Variants in GOLGB1 observed in about 807,000 individuals in gnomAD.
GOLGB1 encodes the protein golgin B1.
Under a neutral mutation model 336.9 loss-of-function variants are expected in GOLGB1, and 174 were observed. The observed-to-expected ratio is 0.52, with a 90% CI of 0.46 to 0.59. The LOEUF (loss-of-function observed/expected upper bound fraction) is 0.59, where lower values mean the gene tolerates loss of function less well. GOLGB1 is among the 20% of genes least tolerant of loss of function. The pLI, the probability that GOLGB1 is intolerant of heterozygous loss-of-function variation, is 0.00. For missense variants in GOLGB1, 3,331 were observed against 3,645.3 expected, an observed-to-expected ratio of 0.91 and a Z score of 2.22; for synonymous variants, 1,208 against 1,289.2, an observed-to-expected ratio of 0.94 and a Z score of 1.35.
chr3:121,674,045 C>T (rs895159506), intron 17 of GOLGB1, among the ~76,000 whole-genome samples: 2 of 152,152 alleles, frequency 1.3e-5, no homozygotes, highest in African/African-American at 4.8e-5. Flanking sequence ...GATTTCTTTT[C>T]CAGATTGTTT....
At chr3:121,727,310 ATATATATATATTTTT>A (rs1945719523) in intron 4 of GOLGB1, among the ~76,000 whole-genome samples, 1 of 32,688 alleles carries the variant, frequency 3.1e-5, no homozygotes, top group Non-Finnish European at 8.0e-5. Context: ...ATATATATAT[ATATATATATATTTTT>A]TTTTTTTTTT....
intron 10 of GOLGB1, among the ~76,000 whole-genome samples, chr3:121,705,995 C>T (rs147570447): frequency 4.1e-4 from 62 of 151,762 alleles, no homozygotes; most frequent in Non-Finnish European, 6.5e-4. Flanking sequence ...TTAACTGAGT[C>T]GCATAAAAAA....
intron 6 of GOLGB1, among the ~76,000 whole-genome samples, chr3:121,720,406 T>C (rs1945104150): frequency 1.3e-5 from 2 of 152,318 alleles, no homozygotes; most frequent in Admixed American, 6.5e-5. Flanking sequence ...GAAATGGAAA[T>C]AAATGGACTG....
Position 121,694,719 on chromosome 3 carries a change from A to T in GOLGB1, c.5804T>A (p.Leu1935Ter). 6.2e-7 allele frequency: 1 copy of T among 1,612,216 alleles called. No individual in the cohort carries two copies. ...DDLEERLMNQLAELNGSIGNY... is the reference protein window; with the variant it reads ...DDLEERLMNQ Reference sequence around the variant, plus strand: ...CCCAATGCTTCCATTAAGTTCTGCTAATTGATTCATAAGCCTCTCTTCCAA... The same window carrying T: ...CCCAATGCTTCCATTAAGTTCTGCTTATTGATTCATAAGCCTCTCTTCCAA... Residue 1935 changes from leucine (L) to a stop codon, truncating the protein, a stop_gained, in exon 13 of 22, where the codon TTA becomes TAA. Coordinates refer to ENST00000614479, the MANE Select transcript of GOLGB1 (RefSeq NM_001366282.2). LOFTEE classifies it high-confidence loss of function.
Position 121,697,131 on chromosome 3 carries a change from A to T in GOLGB1, c.3392T>A (p.Ile1131Asn). ...ATCACTTGCATCCGTGTTACTTGTGATTAACTTCTGGATAATTGCTTGGTT... is the reference window on the plus strand; with the variant it reads ...ATCACTTGCATCCGTGTTACTTGTGTTTAACTTCTGGATAATTGCTTGGTT... ...SENQAIIQKL[I>N]TSNTDASDGD... The change falls in exon 13 of 22, where the codon ATC becomes AAC. Residue 1131 changes from isoleucine (I) to asparagine (N), a missense_variant. Ile to Asn is a moderately radical substitution (Grantham distance 149). Transcript: ENST00000614479. The T allele has an allele frequency of 6.2e-7, 1 of 1,614,004 alleles. No homozygotes were observed. The highest frequency in any genetic ancestry group is 8.5e-7 in the Non-Finnish European group (1 of 1,179,978).
At chr3:121,723,972 C>A (rs1945369466) in intron 5 of GOLGB1, among the ~76,000 whole-genome samples, 1 of 152,280 alleles carries the variant, frequency 6.6e-6, no homozygotes, top group South Asian at 2.1e-4. Flanking sequence ...CAGATGCAGC[C>A]TCTCACCCTT....
intron 7 of GOLGB1, among the ~76,000 whole-genome samples, 180 bp from the exon 8 acceptor site, chr3:121,718,681 A>G (rs987449739): frequency 1.3e-5 from 2 of 152,150 alleles, no homozygotes; most frequent in African/African-American, 4.8e-5. Flanking sequence ...GAGTCTCCAA[A>G]ATGTCTTCTC....
At chr3:121,683,081 T>TTTTTTTTTTTC (rs1553856330) in intron 14 of GOLGB1, among the ~76,000 whole-genome samples, 2 of 125,280 alleles carry the variant, frequency 1.6e-5, no homozygotes, top group Admixed American at 7.8e-5. Context: ...TTTTTTTTTT[T>TTTTTTTTTTTC]TGGAGAGACG....
At position 121,717,161 on chromosome 3, in the gene GOLGB1, C is replaced by T. The variant is rs562740249; in HGVS notation, c.886-22G>A. ...GAATCTAAGAAAAAAGACAAAGTCT[C>T]ATGAGCCATAAATACATTATTTCAT... On this transcript the variant is annotated intron_variant, in intron 8 of 21. Transcript: ENST00000614479. 1.0e-5 allele frequency: 16 copies of T among 1,566,992 alleles called. No individual in the cohort carries two copies. In the African/African-American group the frequency reaches 1.6e-4, roughly 16 times the overall value.
intron 15 of GOLGB1, 117 bp from the exon 16 acceptor site, chr3:121,677,567 A>AAGAAAGAAAGGCTAAGAAAAAGGT (rs1940574283): frequency 1.4e-6 from 1 of 690,288 alleles, no homozygotes; most frequent in Admixed American, 3.0e-5. Flanking sequence ...CTGGAAGGTA[A>AAGAAAGAAAGGCTAAGAAAAAGGT]AGAAAGAAAG....
chr3:121,730,044 T>C (rs762534804), intron 2 of GOLGB1, 27 bp from the exon 3 acceptor site: 1 of 1,575,802 alleles, frequency 6.3e-7, no homozygotes, highest in Non-Finnish European at 8.7e-7. Flanking sequence ...AAGTTGCCAG[T>C]GCACCAGGAA....
intron 1 of GOLGB1, among the ~76,000 whole-genome samples, chr3:121,739,169 G>A (rs1373421790): frequency 6.6e-6 from 1 of 152,104 alleles, no homozygotes; most frequent in Admixed American, 6.6e-5. Flanking sequence ...GGTGGCTGAC[G>A]TGGGAAGACT....
chr3:121,692,422 CT>C lies in GOLGB1; in HGVS notation c.6941del (p.Lys2314SerfsTer13). The C allele has an allele frequency of 6.2e-7, 1 of 1,613,794 alleles. No homozygotes were observed. Among genetic ancestry groups the C allele is most frequent in the Non-Finnish European group, 8.5e-7 (1 of 1,179,934 alleles). On this transcript the variant is annotated frameshift_variant, in exon 14 of 22. Coordinates refer to ENST00000614479, the MANE Select transcript of GOLGB1 (RefSeq NM_001366282.2). LOFTEE classifies it high-confidence loss of function. ...LYHSSQNELAKLESELKSLKD... is the reference protein window; with the variant it reads ...LYHSSQNELAXLESELKSLKD... ...TGAGACTCTTAAGTTCTGATTCCAA[CT>C]TAGCTAATTCATTCTGAGAACTGTG... is the stretch of plus-strand genomic sequence containing the variant.
Position 121,730,883 on chromosome 3 carries a change from A to G in GOLGB1, c.89T>C (p.Leu30Pro). ...DDTDQNMRAP[L>P]DPELHQESDM... is the part of the protein sequence containing the mutation. The stretch of plus-strand genomic sequence containing the variant: ...CAGAACAGAACTACTCACAGGGTCT[A>G]GGGGAGCCCTCATATTCTGATCAGT... Residue 30 changes from leucine to proline, a missense_variant, in exon 2 of 22, where the codon CTA becomes CCA. Coordinates refer to ENST00000614479, the MANE Select transcript of GOLGB1 (RefSeq NM_001366282.2). The G allele has an allele frequency of 6.2e-7, 1 of 1,612,088 alleles. No homozygotes were observed. Among genetic ancestry groups the G allele is most frequent in the Non-Finnish European group, 8.5e-7 (1 of 1,178,568 alleles).
intron 19 of GOLGB1, 147 bp from the exon 20 acceptor site, chr3:121,667,757 G>C: frequency 1.5e-6 from 1 of 680,242 alleles, no homozygotes; most frequent in Admixed American, 3.1e-5. Flanking sequence ...AAGCTGTAGA[G>C]GGATTAAATG....
intron 1 of GOLGB1, among the ~76,000 whole-genome samples, chr3:121,741,177 T>G (rs2108392796): frequency 6.6e-6 from 1 of 152,242 alleles, no homozygotes; most frequent in South Asian, 2.1e-4. Context: ...TCATGAAATA[T>G]GAATATTCCC....
rs374850338 is a variant in GOLGB1, at chr3:121,696,050, T to C, written c.4473A>G (p.Gln1491=). 62 of 1,613,964 alleles carry C rather than the reference T, an allele frequency of 3.8e-5. No individual in the cohort carries two copies. Among genetic ancestry groups the C allele is most frequent in the Admixed American group, 5.0e-5 (3 of 59,968 alleles). The change falls in exon 13 of 22, where the codon CAA becomes CAG. Residue 1491 remains glutamine (Q), a synonymous_variant. Coordinates refer to ENST00000614479, the MANE Select transcript of GOLGB1 (RefSeq NM_001366282.2). ...RAKQQIQRKL[Q]AALISRKEAL... ...CTTCTTTTCGGGAAATAAGGGCAGCTTGCAGTTTCCTTTGTATTTGTTGCT... is the reference window on the plus strand; with the variant it reads ...CTTCTTTTCGGGAAATAAGGGCAGCCTGCAGTTTCCTTTGTATTTGTTGCT...
intron 1 of GOLGB1, among the ~76,000 whole-genome samples, chr3:121,736,333 C>T (rs570722464): frequency 6.6e-6 from 1 of 152,246 alleles, no homozygotes; most frequent in Non-Finnish European, 1.5e-5. Flanking sequence ...ACCACCACCT[C>T]AACCAAGTGA....
chr3:121,711,529 G>A (rs955099767), intron 10 of GOLGB1, among the ~76,000 whole-genome samples: 1 of 152,050 alleles, frequency 6.6e-6, no homozygotes, highest in African/African-American at 2.4e-5. Flanking sequence ...ATAAAAATTA[G>A]AAAGAAGTAA....
Sources: allele counts gnomAD v4.1 joint callset (sites outside exome capture counted in the v4.1 genomes callset), GRCh38; gene constraint gnomAD v4.1.1; transcripts MANE v1.5; gene names NCBI Gene and HGNC (gene_info 2026-07-23, HGNC 2026-07-21).